NRCAM: variants seen among roughly 807,000 people sequenced by gnomAD.
The protein encoded by NRCAM is NgCAM-related cell adhesion molecule.
Under a neutral mutation model 156.5 loss-of-function variants are expected in NRCAM, and 83 were observed. The observed-to-expected ratio is 0.53, with a 90% CI of 0.44 to 0.64. The LOEUF (loss-of-function observed/expected upper bound fraction) is 0.64. NRCAM is among the 30% of genes least tolerant of loss of function. NRCAM has a pLI of 0.00. For synonymous variants in NRCAM, 538 were observed against 563.9 expected (o/e 0.95, Z 0.65); for missense variants, 1,417 against 1,597.3 (o/e 0.89, Z 1.92).
chr7:108,383,043 G>A (rs962265437), intron 2 of NRCAM, among the ~76,000 whole-genome samples: 5 of 152,006 alleles, frequency 3.3e-5, no homozygotes, highest in Admixed American at 3.3e-4. Flanking sequence ...TGGCTGTAAT[G>A]CCCACCACAG....
intron 1 of NRCAM, among the ~76,000 whole-genome samples, chr7:108,426,212 C>A (rs2395998): frequency 2.0e-5 from 3 of 152,126 alleles, no homozygotes; most frequent in South Asian, 4.1e-4. Context: ...ATTTTATGAG[C>A]TGCAGCTACA....
chr7:108,451,308 T>A (rs1563871111), intron 1 of NRCAM, among the ~76,000 whole-genome samples: 1 of 151,242 alleles, frequency 6.6e-6, no homozygotes, highest in African/African-American at 2.4e-5. Flanking sequence ...AAACAGAAAA[T>A]AACAAGTGTT....
Position 108,194,170 on chromosome 7 carries a change from A to T in NRCAM, c.1632T>A (p.Asp544Glu), listed in dbSNP as rs967959948. The change falls in exon 17 of 33, where the codon GAT (aspartate) becomes GAA (glutamate). Residue 544 changes from aspartate (D) to glutamate (E), a missense_variant and splice_region_variant. Physicochemically the swap from Asp to Glu is conservative, Grantham distance 45 (BLOSUM62 2). Coordinates refer to ENST00000379028, the MANE Select transcript of NRCAM (RefSeq NM_001037132.4). The stretch of plus-strand genomic sequence containing the variant: ...CGGGCTGTTTAACGATCCATGTAGG[A>T]TCTGAAATGTAGAGTCATCGTTATC... ...AKNEVHLEIK[D>E]PTWIVKQPEY... The T allele has an allele frequency of 5.0e-6, 8 of 1,613,944 alleles. No individual in the cohort carries two copies. Among genetic ancestry groups the T allele is most frequent in the African/African-American group, 2.7e-5 (2 of 75,046 alleles).
intron 1 of NRCAM, among the ~76,000 whole-genome samples, chr7:108,432,135 T>G (rs932170816): frequency 1.3e-5 from 2 of 152,218 alleles, no homozygotes; most frequent in African/African-American, 4.8e-5. Flanking sequence ...TTTGCATGGA[T>G]TGTCCTTACA....
intron 2 of NRCAM, among the ~76,000 whole-genome samples, chr7:108,331,545 G>A (rs1223169336): frequency 6.6e-6 from 1 of 152,082 alleles, no homozygotes; most frequent in African/African-American, 2.4e-5. Flanking sequence ...TGTAAAATCA[G>A]GATAATATAG....
Position 108,168,412 on chromosome 7 carries a change from C to A in NRCAM, c.3188-10G>T, listed in dbSNP as rs375433547. 3 of 1,585,436 alleles carry A rather than the reference C, an allele frequency of 1.9e-6. No homozygotes were observed. The highest frequency in any genetic ancestry group is 1.9e-5 in the Admixed American group (1 of 52,904). ...GGATTTACTGCTTGAACTAAACATA[C>A]AATAGAAAAATAAAACAAACAATCA... On this transcript the variant is annotated splice_polypyrimidine_tract_variant and intron_variant, in intron 28 of 32. Transcript: ENST00000379028.
At chr7:108,340,373 G>A (rs2099262102) in intron 2 of NRCAM, among the ~76,000 whole-genome samples, 1 of 145,764 alleles carries the variant, frequency 6.9e-6, no homozygotes, top group Non-Finnish European at 1.5e-5. Flanking sequence ...AGATAACCCT[G>A]ATGGCTATAT....
At chr7:108,378,494 T>A (rs969602769) in intron 2 of NRCAM, among the ~76,000 whole-genome samples, 1 of 152,028 alleles carries the variant, frequency 6.6e-6, no homozygotes, top group African/African-American at 2.4e-5. Context: ...CTAACATTTA[T>A]AATAGGACCT....
chr7:108,305,604 C>T (rs1426784183), intron 3 of NRCAM, among the ~76,000 whole-genome samples: 1 of 152,148 alleles, frequency 6.6e-6, no homozygotes, highest in African/African-American at 2.4e-5. Flanking sequence ...CCTGTTCCTC[C>T]TATGGCCTTT....
At chr7:108,325,067 G>GC (rs944910054) in intron 2 of NRCAM, among the ~76,000 whole-genome samples, 1 of 151,932 alleles carries the variant, frequency 6.6e-6, no homozygotes, top group African/African-American at 2.4e-5. Flanking sequence ...AAAGGTAGCG[G>GC]CAAGGGCTAC....
At chr7:108,163,043 C>G (rs192432015) in intron 30 of NRCAM, among the ~76,000 whole-genome samples, 7 of 152,120 alleles carry the variant, frequency 4.6e-5, no homozygotes, top group Admixed American at 6.5e-5. Context: ...ATATACCCCA[C>G]AGAGAGAGAA....
intron 5 of NRCAM, chr7:108,234,955 C>T (rs2094772710): frequency 1.8e-6 from 1 of 567,676 alleles, no homozygotes; most frequent in Non-Finnish European, 3.2e-6. Context: ...AAATAATTAT[C>T]AATACAAACC....
In NRCAM at chr7:108,221,285, T is replaced by C. The variant is rs115975583; in HGVS notation, c.890+2440A>G. ...CTAGTACAGCCCCTATGGAAAACAGTGTGGAGATTCCTTAAAGTACCAAAA... is the reference window on the plus strand; with the variant it reads ...CTAGTACAGCCCCTATGGAAAACAGCGTGGAGATTCCTTAAAGTACCAAAA... On this transcript the variant is annotated intron_variant, in intron 11 of 32. Transcript: ENST00000379028. Among the ~76,000 whole-genome samples the C allele has an allele frequency of 4.8e-3, 732 of 152,294 alleles. 10 individuals carry two copies. Among genetic ancestry groups the C allele is most frequent in the African/African-American group, 0.017 (704 of 41,556 alleles).
chr7:108,239,860 T>C (rs1589590838), intron 4 of NRCAM, 99 bp downstream of exon 4: 1 of 705,718 alleles, frequency 1.4e-6, no homozygotes, highest in Non-Finnish European at 2.4e-6. Context: ...CTTTTCAGTA[T>C]CACACAGACA....
At chr7:108,443,467 C>T (rs543153060) in intron 1 of NRCAM, among the ~76,000 whole-genome samples, 3 of 152,332 alleles carry the variant, frequency 2.0e-5, no homozygotes, top group Non-Finnish European at 2.9e-5. Flanking sequence ...CAAAATTCTC[C>T]ACAATGCCAT....
intron 2 of NRCAM, among the ~76,000 whole-genome samples, chr7:108,385,163 TG>T (rs2099736228): frequency 6.6e-6 from 1 of 152,224 alleles, no homozygotes; most frequent in Non-Finnish European, 1.5e-5. Flanking sequence ...ATCTTACATT[TG>T]TCTCCCTGTC....
chr7:108,453,905 C>T (rs1295878027), intron 1 of NRCAM, among the ~76,000 whole-genome samples: 2 of 152,106 alleles, frequency 1.3e-5, no homozygotes, highest in African/African-American at 4.8e-5. Context: ...AGATTGGATG[C>T]TAGGGTCCTA....
At chr7:108,185,133 C>A (rs1321245236) in intron 20 of NRCAM, among the ~76,000 whole-genome samples, 1 of 152,080 alleles carries the variant, frequency 6.6e-6, no homozygotes, top group East Asian at 1.9e-4. Flanking sequence ...TAACACACTT[C>A]GTTGACTATG....
chr7:108,342,164 C>T (rs971466588), intron 2 of NRCAM, among the ~76,000 whole-genome samples: 1 of 152,214 alleles, frequency 6.6e-6, no homozygotes, highest in Non-Finnish European at 1.5e-5. Flanking sequence ...TCTTGTCCTT[C>T]AGTAAGTGAA....
Sources: gnomAD v4.1 joint callset for allele counts (sites outside exome capture counted in the v4.1 genomes callset) on GRCh38, gnomAD v4.1.1 for gene constraint, MANE v1.5 for transcripts, NCBI Gene and HGNC (gene_info 2026-07-23, HGNC 2026-07-21) for gene names.